TEX14: variants seen among roughly 807,000 people sequenced by gnomAD.
TEX14 encodes the protein inactive serine/threonine-protein kinase TEX14.
TEX14 carries 168 observed loss-of-function variants against 178.6 expected under a neutral mutation model. The observed-to-expected ratio is 0.94, with a 90% confidence interval of 0.83 to 1.07. TEX14 has a LOEUF of 1.07. Among genes scored for constraint, TEX14 ranks in the 50% least tolerant of loss-of-function variants. The pLI, the probability that TEX14 is intolerant of heterozygous loss-of-function variation, is 0.00. For synonymous variants in TEX14, 626 were observed against 634.1 expected (o/e 0.99, Z 0.19); for missense variants, 1,730 against 1,753.6 (o/e 0.99, Z 0.24).
chr17:58,557,965 GGTT>G, intron 30 of TEX14, 115 bp from the exon 31 acceptor site: 1 of 706,308 alleles, frequency 1.4e-6, no homozygotes, highest in Non-Finnish European at 2.4e-6. Context: ...TACCTACAAT[GGTT>G]GTTATATTCT....
intron 1 of TEX14, among the ~76,000 whole-genome samples, chr17:58,675,989 C>T (rs1567771919): frequency 6.6e-6 from 1 of 152,094 alleles, no homozygotes; most frequent in South Asian, 2.1e-4. Context: ...ATGTATATCC[C>T]AGCACGTTGG....
intron 2 of TEX14, among the ~76,000 whole-genome samples, chr17:58,642,991 C>G (rs767340693): frequency 2.8e-4 from 42 of 152,250 alleles, no homozygotes; most frequent in Non-Finnish European, 4.4e-4. Flanking sequence ...ATTTACTTCC[C>G]CTTACTAAAC....
At chr17:58,577,043 G>A (rs1288079705) in intron 21 of TEX14, among the ~76,000 whole-genome samples, 2 of 152,282 alleles carry the variant, frequency 1.3e-5, no homozygotes, top group African/African-American at 4.8e-5. Context: ...TAAATGCCCA[G>A]GAGTTATATT....
intron 1 of TEX14, among the ~76,000 whole-genome samples, chr17:58,689,652 TGAAA>T (rs2047658639): frequency 1.3e-5 from 2 of 152,152 alleles, no homozygotes; most frequent in African/African-American, 4.8e-5. Flanking sequence ...CTTCCCTCCC[TGAAA>T]GATTTTTTTT....
chr17:58,647,507 G>T (rs992319184), intron 2 of TEX14, among the ~76,000 whole-genome samples: 2 of 150,852 alleles, frequency 1.3e-5, no homozygotes, highest in Non-Finnish European at 2.9e-5. Flanking sequence ...ACTCCAGCCT[G>T]GGCGACTGAG....
intron 2 of TEX14, among the ~76,000 whole-genome samples, chr17:58,631,440 C>A (rs1248012967): frequency 6.6e-6 from 1 of 152,054 alleles, no homozygotes; most frequent in African/African-American, 2.4e-5. Flanking sequence ...CAGAAAAAAG[C>A]CCCAGCTCAA....
chr17:58,670,921 C>G (rs921813891), intron 1 of TEX14, among the ~76,000 whole-genome samples: 1 of 152,002 alleles, frequency 6.6e-6, no homozygotes, highest in African/African-American at 2.4e-5. Flanking sequence ...TGTAGCCATT[C>G]CACAATGTAT....
In TEX14 at chr17:58,605,124, T is replaced by C; in HGVS notation, c.1190A>G (p.Asp397Gly). ...TNLEYMLESE[D>G]RGVQRDLTRV... is the part of the protein sequence containing the mutation. The stretch of plus-strand genomic sequence containing the variant: ...AGTCAGGTCCCTCTGTACACCTCTG[T>C]CCTCGCTACGGAAGGAAACTCACAA... The change falls in exon 11 of 32, where the codon GAC (aspartate) becomes GGC (glycine). Residue 397 changes from aspartate to glycine, a missense_variant. This residue lies in a region of TEX14 where 789 missense variants were observed against 681.2 expected (regional missense o/e 1.16). Coordinates refer to ENST00000349033, the MANE Select transcript of TEX14 (RefSeq NM_031272.5). 1 of 1,613,962 alleles carries C rather than the reference T, an allele frequency of 6.2e-7. No individual in the cohort carries two copies. Among genetic ancestry groups the C allele is most frequent in the Non-Finnish European group, 8.5e-7 (1 of 1,179,908 alleles).
At chr17:58,575,731 C>G (rs2044659837) in intron 21 of TEX14, among the ~76,000 whole-genome samples, 1 of 152,150 alleles carries the variant, frequency 6.6e-6, no homozygotes, top group Admixed American at 6.6e-5. Context: ...CTCCCTCAGC[C>G]TAAGTCTGAT....
chr17:58,636,281 C>T (rs544549470), intron 2 of TEX14, among the ~76,000 whole-genome samples: 2 of 152,310 alleles, frequency 1.3e-5, no homozygotes, highest in East Asian at 3.9e-4. Context: ...AACAGTCCCA[C>T]AAGAAGTGAC....
intron 2 of TEX14, among the ~76,000 whole-genome samples, chr17:58,650,979 C>T (rs548884070): frequency 1.3e-5 from 2 of 152,186 alleles, no homozygotes; most frequent in Non-Finnish European, 2.9e-5. Flanking sequence ...CCTCTGCTTA[C>T]ACTGAAAATA....
chr17:58,687,814 G>A (rs2047627253), intron 1 of TEX14, among the ~76,000 whole-genome samples: 1 of 152,096 alleles, frequency 6.6e-6, no homozygotes, highest in South Asian at 2.1e-4. Flanking sequence ...ACAGCAATAG[G>A]TCCTTCCTAC....
Position 58,572,065 on chromosome 17 carries a change from A to C in TEX14, c.3573T>G (p.Val1191=). 1 of 1,614,206 alleles carries C rather than the reference A, an allele frequency of 6.2e-7. No individual in the cohort carries two copies. Among genetic ancestry groups the C allele is most frequent in the Non-Finnish European group, 8.5e-7 (1 of 1,180,038 alleles). ...TCCAGCAAGAGGCAAACTCTGTCTT[A>C]ACCTGAAATGTGATACTTTCAAGGC... ...KDCLESITFQ[V]KTEFASCWNS... The change falls in exon 24 of 32, where the codon GTT becomes GTG. Residue 1191 remains valine, a synonymous_variant. Transcript: ENST00000349033.
At chr17:58,605,470 C>CTT (rs1224538039) in intron 10 of TEX14, among the ~76,000 whole-genome samples, 1 of 152,192 alleles carries the variant, frequency 6.6e-6, no homozygotes, top group Non-Finnish European at 1.5e-5. Flanking sequence ...CTGACAACCT[C>CTT]TTTGAGTTCC....
chr17:58,663,306 C>T (rs921855383), intron 1 of TEX14, among the ~76,000 whole-genome samples: 2 of 149,200 alleles, frequency 1.3e-5, no homozygotes, highest in Non-Finnish European at 3.0e-5. Context: ...CCTGTAATCC[C>T]AGCTACTTGG....
At position 58,569,897 on chromosome 17, in the gene TEX14, A is replaced by G. The variant is rs899043609; in HGVS notation, c.3817+488T>C. Among the ~76,000 whole-genome samples the G allele has an allele frequency of 6.6e-6, 1 of 152,248 alleles. No individual in the cohort carries two copies. Among genetic ancestry groups the G allele is most frequent in the East Asian group, 1.9e-4 (1 of 5,204 alleles). ...TTTGGAAACTGTCTTCTAAGAATCT[A>G]TCCTAAGGAAAGGATCAGAGGTACA... On this transcript the variant is annotated intron_variant, in intron 25 of 31. Transcript: ENST00000349033. The surrounding 1 kb of genome is among the most constrained non-coding windows in gnomAD (Gnocchi z 4.1).
chr17:58,566,783 A>G (rs1260400949), intron 26 of TEX14, among the ~76,000 whole-genome samples: 1 of 147,518 alleles, frequency 6.8e-6, no homozygotes, highest in East Asian at 2.0e-4. Flanking sequence ...TGGGTGACAG[A>G]GTAAGACTCT....
chr17:58,640,574 A>T (rs1234690921), intron 2 of TEX14, among the ~76,000 whole-genome samples: 3 of 151,684 alleles, frequency 2.0e-5, no homozygotes, highest in South Asian at 4.2e-4. Context: ...AGAATAAAGT[A>T]AATAAAGGCT....
chr17:58,635,699 G>C (rs2046419595), intron 2 of TEX14, among the ~76,000 whole-genome samples: 1 of 151,632 alleles, frequency 6.6e-6, no homozygotes, highest in African/African-American at 2.4e-5. Context: ...AAAAGTGCTG[G>C]GATTACAGGC....
Sources: allele counts gnomAD v4.1 joint callset (sites outside exome capture counted in the v4.1 genomes callset), GRCh38; gene constraint gnomAD v4.1.1; regional missense constraint gnomAD v4.1.1; non-coding constraint Gnocchi (gnomAD v3.1); transcripts MANE v1.5; gene names NCBI Gene and HGNC (gene_info 2026-07-23, HGNC 2026-07-21).